The following ANKRD36 variants were observed in gnomAD, a reference collection of about 807,000 sequenced individuals.
The protein encoded by ANKRD36 is ankyrin repeat domain-containing protein 36A.
Under a neutral mutation model 278.1 loss-of-function variants are expected in ANKRD36, and 179 were observed. The observed-to-expected ratio is 0.64, with a 90% CI of 0.57 to 0.73. The LOEUF (loss-of-function observed/expected upper bound fraction) is 0.73. Among genes scored for constraint, ANKRD36 ranks in the 30% least tolerant of loss-of-function variants. The pLI is 0.00. For synonymous variants in ANKRD36, 320 were observed against 641.1 expected (o/e 0.50, Z 7.57); for missense variants, 1,159 against 1,956.7 (o/e 0.59, Z 7.69).
At chr2:97,157,121 T>G (rs1303777072) in intron 15 of ANKRD36, among the ~76,000 whole-genome samples, 2 of 130,360 alleles carry the variant, frequency 1.5e-5, no homozygotes, top group African/African-American at 2.6e-5. Context: ...TTGGTTTTTG[T>G]TTTTTTTTCC....
At chr2:97,157,179 G>A (rs1250977047) in intron 15 of ANKRD36, among the ~76,000 whole-genome samples, 1 of 149,658 alleles carries the variant, frequency 6.7e-6, no homozygotes, top group Non-Finnish European at 1.5e-5. Flanking sequence ...TCAGCTTTCA[G>A]GTGAATGATC....
intron 42 of ANKRD36, 79 bp downstream of exon 42, chr2:97,196,867 G>A (rs1379976469): frequency 1.8e-5 from 28 of 1,531,272 alleles, no homozygotes; most frequent in Non-Finnish European, 2.4e-5. Context: ...ATCAGCGGGG[G>A]GCTCATCGAA....
chr2:97,226,793 A>G (rs1274389005), intron 67 of ANKRD36, among the ~76,000 whole-genome samples: 6 of 151,336 alleles, frequency 4.0e-5, no homozygotes, highest in African/African-American at 9.7e-5. Context: ...ATCTTGAATT[A>G]ATTTTTGTAT....
intron 69 of ANKRD36, among the ~76,000 whole-genome samples, chr2:97,242,402 A>G (rs2074618704): frequency 6.6e-6 from 1 of 151,718 alleles, no homozygotes; most frequent in Non-Finnish European, 1.5e-5. Flanking sequence ...ATGTAGATAA[A>G]ATTAATTCAG....
intron 69 of ANKRD36, among the ~76,000 whole-genome samples, chr2:97,243,012 CTT>C (rs2074771073): frequency 8.5e-6 from 1 of 118,090 alleles, no homozygotes; most frequent in African/African-American, 2.8e-5. Context: ...AACATAGAAA[CTT>C]TATTAGGATA....
chr2:97,231,757 G>C (rs141578582), intron 67 of ANKRD36, among the ~76,000 whole-genome samples: 1 of 152,238 alleles, frequency 6.6e-6, no homozygotes, highest in African/African-American at 2.4e-5. Flanking sequence ...GACTGGAGCT[G>C]TTCCTATTCA....
intron 48 of ANKRD36, 62 bp from the exon 49 acceptor site, chr2:97,204,006 A>G (rs1422770229): frequency 6.5e-7 from 1 of 1,538,550 alleles, no homozygotes; most frequent in Non-Finnish European, 8.8e-7. Context: ...ACACTGCATG[A>G]ATGTATGGAT....
chr2:97,234,812 ATCT>A (rs1457631450), intron 68 of ANKRD36, among the ~76,000 whole-genome samples: 1 of 115,154 alleles, frequency 8.7e-6, no homozygotes, highest in Admixed American at 1.0e-4. Context: ...CCATCTGTAC[ATCT>A]TCTTTGTTGA....
intron 54 of ANKRD36, among the ~76,000 whole-genome samples, 195 bp downstream of exon 54, chr2:97,208,201 C>T (rs1314916041): frequency 6.8e-6 from 1 of 146,524 alleles, no homozygotes; most frequent in Non-Finnish European, 1.5e-5. Flanking sequence ...TAAGATTATA[C>T]ACTTCCCCAC....
rs573224632 is a variant in ANKRD36 at position 97,181,621 on chromosome 2, G to A, written c.1759G>A (p.Glu587Lys). The part of the protein sequence containing the change: ...GTVSSQKQPA[E>K]KATSDEKDSV... ...AGTGTCTTCTCAGAAACAACCAGCT[G>A]AGAAGGTAATTAAAGTCTCATTTAT... The change falls in exon 25 of 76, where the codon GAG (glutamate) becomes AAG (lysine). Residue 587 changes from glutamate (E) to lysine (K), a missense_variant. Coordinates refer to ENST00000420699, the MANE Select transcript of ANKRD36 (RefSeq NM_001354587.1). 3.1e-6 allele frequency: 5 copies of A among 1,602,386 alleles called. No homozygotes were observed. In the Admixed American group the frequency reaches 8.4e-5, roughly 27 times the overall value.
At chr2:97,179,837 T>A (rs1285698819) in intron 23 of ANKRD36, 24 bp from the exon 24 acceptor site, 4 of 1,602,630 alleles carry the variant, frequency 2.5e-6, no homozygotes, top group Non-Finnish European at 2.5e-6. Flanking sequence ...ACATATTGAT[T>A]ATTTTGCTTC....
intron 4 of ANKRD36, among the ~76,000 whole-genome samples, chr2:97,123,236 C>A (rs1297886068): frequency 2.0e-5 from 3 of 150,320 alleles, no homozygotes; most frequent in Non-Finnish European, 4.5e-5. Flanking sequence ...TAAAAGGCTT[C>A]TATATATAGA....
rs2063728959 is a variant in ANKRD36, at chr2:97,209,333, C to T, written c.3266-348C>T. On this transcript the variant is annotated intron_variant, in intron 54 of 75. Coordinates refer to ENST00000420699, the MANE Select transcript of ANKRD36 (RefSeq NM_001354587.1). ...AAAGACATATGGGATCATGTAGCAC[C>T]TGTTTTGACATTGATTCTCACGTAT... is the stretch of plus-strand genomic sequence containing the variant. Among the ~76,000 whole-genome samples the T allele has an allele frequency of 6.1e-5, 9 of 146,626 alleles. No individual in the cohort carries two copies. The South Asian group carries it at 1.9e-3, about 31-fold the overall frequency.
chr2:97,205,743 G>T (rs771651242), intron 50 of ANKRD36, among the ~76,000 whole-genome samples, 197 bp from the exon 51 acceptor site: 10 of 151,368 alleles, frequency 6.6e-5, no homozygotes, highest in Non-Finnish European at 1.5e-4. Context: ...AATTGTAAGG[G>T]TATATTTCAT....
chr2:97,245,727 GAGCTAAAGCAAAAACAGAGTC>G lies in ANKRD36; in HGVS notation c.5064_5084del (p.Leu1689_Gln1695del). 8 of 1,049,948 alleles carry G rather than the reference GAGCTAAAGCAAAAACAGAGTC, an allele frequency of 7.6e-6. No individual in the cohort carries two copies. The highest frequency in any genetic ancestry group is 1.0e-5 in the Non-Finnish European group (8 of 767,964). 65.0% of individuals were successfully genotyped at this position (1,049,948 alleles called of 1,614,324 possible). A position where few individuals can be genotyped will look rare whatever the true frequency, so the allele number is the denominator to read the frequency against. Reference sequence around the variant, plus strand: ...TTTGGTTTTTGAACACGTGCAAAGTGAGCTAAAGCAAAAACAGAGTCAAATGAAGGACATTGAAAAAATGTA... The same window carrying G: ...TTTGGTTTTTGAACACGTGCAAAGTGAAATGAAGGACATTGAAAAAATGTA... On this transcript the variant is annotated inframe_deletion, in exon 71 of 76. Coordinates refer to ENST00000420699, the MANE Select transcript of ANKRD36 (RefSeq NM_001354587.1).
chr2:97,210,204 T>C (rs1293933037), intron 56 of ANKRD36, among the ~76,000 whole-genome samples: 3 of 151,834 alleles, frequency 2.0e-5, no homozygotes, highest in Non-Finnish European at 1.5e-5. Flanking sequence ...AGAGGAAGTA[T>C]AGATTTTACA....
chr2:97,173,377 A>G (rs950730325), intron 22 of ANKRD36, among the ~76,000 whole-genome samples: 1 of 151,716 alleles, frequency 6.6e-6, no homozygotes, highest in African/African-American at 2.4e-5. Flanking sequence ...AGACAAAATG[A>G]GAGATGATAG....
Position 97,185,259 on chromosome 2 carries a change from A to G in ANKRD36, c.1940-57A>G, listed in dbSNP as rs2153553838. On this transcript the variant is annotated intron_variant, in intron 28 of 75. Transcript: ENST00000420699. ...CTTGATGCTAACACTTCATGAATGTATAGATAACTTTATCATATTTACATA... is the reference window on the plus strand; with the variant it reads ...CTTGATGCTAACACTTCATGAATGTGTAGATAACTTTATCATATTTACATA... 2.6e-6 allele frequency: 4 copies of G among 1,560,824 alleles called. 1 individual carries two copies. In the Admixed American group the frequency reaches 5.1e-5, roughly 20 times the overall value.
At position 97,116,819 on chromosome 2, in the gene ANKRD36, CTTTAA is replaced by C; in HGVS notation, c.198-1240_198-1236del. Among the ~76,000 whole-genome samples, 3 of 152,056 alleles carry C rather than the reference CTTTAA, an allele frequency of 2.0e-5. 1 individual carries two copies. In the Middle Eastern group the frequency reaches 0.01, roughly 517 times the overall value. ...GATTATCACTATTCCAAAAGCACTG[CTTTAA>C]TTTATAGTTTTTTTCATAATAAACT... On this transcript the variant is annotated intron_variant, in intron 1 of 75. Transcript: ENST00000420699.
Sources: allele counts gnomAD v4.1 joint callset (sites outside exome capture counted in the v4.1 genomes callset), GRCh38; gene constraint gnomAD v4.1.1; transcripts MANE v1.5; gene names NCBI Gene and HGNC (gene_info 2026-07-23, HGNC 2026-07-21).